FBXL2: variants seen among roughly 807,000 people sequenced by gnomAD.
The protein encoded by FBXL2 is F-box/LRR-repeat protein 2.
Under a neutral mutation model 69.2 loss-of-function variants are expected in FBXL2, and 38 were observed. The observed-to-expected ratio is 0.55, with a 90% CI of 0.42 to 0.72. The LOEUF (loss-of-function observed/expected upper bound fraction) is 0.72. FBXL2 is among the 30% of genes least tolerant of loss of function. FBXL2 has a pLI of 0.00. For synonymous variants in FBXL2, 192 were observed against 201.3 expected (o/e 0.95, Z 0.39); for missense variants, 354 against 520.3 (o/e 0.68, Z 3.11).
chr3:33,335,678 A>G (rs1378717843), intron 2 of FBXL2, among the ~76,000 whole-genome samples: 1 of 152,238 alleles, frequency 6.6e-6, no homozygotes, highest in Non-Finnish European at 1.5e-5. Flanking sequence ...ATATGCATAA[A>G]TATTTAATTA....
intron 13 of FBXL2, among the ~76,000 whole-genome samples, chr3:33,381,945 C>T (rs2043093584): frequency 6.6e-6 from 1 of 152,224 alleles, no homozygotes; most frequent in South Asian, 2.1e-4. Context: ...CAAGGTCCAA[C>T]AGAATTCCTC....
At chr3:33,377,242 G>T (rs76423340) in intron 10 of FBXL2, 31 bp from the exon 11 acceptor site, 31,670 of 1,604,956 alleles carry the variant, frequency 0.02, 415 homozygotes, top group South Asian at 0.025. Context: ...AGTTGGTACC[G>T]TTTTCTCCCC....
At chr3:33,316,781 G>C (rs540560757) in intron 2 of FBXL2, among the ~76,000 whole-genome samples, 1 of 152,112 alleles carries the variant, frequency 6.6e-6, no homozygotes, top group African/African-American at 2.4e-5. Flanking sequence ...ACTTATTGAA[G>C]TATAATTTAC....
intron 1 of FBXL2, among the ~76,000 whole-genome samples, chr3:33,283,101 A>C (rs2125673494): frequency 6.6e-6 from 1 of 152,306 alleles, no homozygotes; most frequent in East Asian, 1.9e-4. Context: ...AGGAGTGGTG[A>C]GAGAGGGCAT....
At chr3:33,288,853 A>T (rs963331148) in intron 1 of FBXL2, among the ~76,000 whole-genome samples, 3 of 152,172 alleles carry the variant, frequency 2.0e-5, no homozygotes, top group African/African-American at 7.2e-5. Context: ...TATATTTTAT[A>T]AGAGAACCAT....
At chr3:33,325,274 A>G (rs2038598609) in intron 2 of FBXL2, among the ~76,000 whole-genome samples, 1 of 152,146 alleles carries the variant, frequency 6.6e-6, no homozygotes, top group Admixed American at 6.5e-5. Context: ...CTATTTGAAT[A>G]CCCTTTATTT....
At chr3:33,411,623 T>C in the FBXL2 span, 1 of 1,614,162 alleles carries the variant, frequency 6.2e-7, no homozygotes. Flanking sequence ...CCCACAGAAA[T>C]TCAACCGCAT....
At chr3:33,381,415 C>G (rs912427533) in intron 13 of FBXL2, among the ~76,000 whole-genome samples, 4 of 152,104 alleles carry the variant, frequency 2.6e-5, no homozygotes, top group Non-Finnish European at 5.9e-5. Flanking sequence ...GAGGCCAAGG[C>G]GGGTGGATCA....
At chr3:33,342,182 T>G (rs1316548363) in intron 2 of FBXL2, among the ~76,000 whole-genome samples, 1 of 151,204 alleles carries the variant, frequency 6.6e-6, no homozygotes, top group African/African-American at 2.4e-5. Context: ...TTTTTTGTAT[T>G]TTTTAGTAGA....
intron 1 of FBXL2, among the ~76,000 whole-genome samples, chr3:33,294,878 C>T (rs7628482): frequency 0.095 from 14,353 of 150,842 alleles, 1,006 homozygotes; most frequent in Non-Finnish European, 0.15. Context: ...AGTAACTTTG[C>T]ACCTCAAGGA....
At chr3:33,397,162 C>T (rs1247977201) in intron 12 of FBXL2, 10 of 1,526,664 alleles carry the variant, frequency 6.6e-6, no homozygotes, top group Non-Finnish European at 8.8e-6. Context: ...ATATTTTTCT[C>T]AAATAAATGG....
In FBXL2 at chr3:33,364,686, G is replaced by A; in HGVS notation, c.257G>A (p.Arg86Gln). 2.5e-6 allele frequency: 4 copies of A among 1,614,178 alleles called. No homozygotes were observed. Among genetic ancestry groups the A allele is most frequent in the South Asian group, 1.1e-5 (1 of 91,084 alleles). The change falls in exon 5 of 15, where the codon CGA becomes CAA. Residue 86 changes from arginine to glutamine, a missense_variant. Transcript: ENST00000484457. ...CGGFLRKLSL[R>Q]GCIGVGDSSL... ...GGATTCCTGAGGAAGCTCAGCTTGC[G>A]AGGCTGCATTGGTGTTGGGGATTCC...
At chr3:33,398,360 A>T (rs903268860) in intron 12 of FBXL2, 1 of 152,246 alleles carries the variant, frequency 6.6e-6, no homozygotes, top group African/African-American at 2.4e-5. Context: ...TAATAGAGTC[A>T]TTTTATAGAG....
intron 2 of FBXL2, among the ~76,000 whole-genome samples, chr3:33,347,058 G>A (rs1007927163): frequency 3.9e-5 from 6 of 151,978 alleles, no homozygotes; most frequent in South Asian, 2.1e-4. Flanking sequence ...GGTCTTATTC[G>A]TTCTTTCTAA....
chr3:33,313,548 C>A (rs2037403595), intron 2 of FBXL2, among the ~76,000 whole-genome samples: 1 of 152,082 alleles, frequency 6.6e-6, no homozygotes, highest in Non-Finnish European at 1.5e-5. Context: ...TGGGCTCAAG[C>A]AATCCTCCTG....
At chr3:33,337,073 C>T (rs1290898572) in intron 2 of FBXL2, among the ~76,000 whole-genome samples, 3 of 151,648 alleles carry the variant, frequency 2.0e-5, no homozygotes, top group South Asian at 2.1e-4. Context: ...GACGTGGCGG[C>T]GTGTGCCTGT....
intron 12 of FBXL2, chr3:33,402,815 G>A (rs1442035874): frequency 2.6e-5 from 42 of 1,591,644 alleles, no homozygotes; most frequent in Non-Finnish European, 3.3e-5. Flanking sequence ...CTGGGACACT[G>A]CAAGTGCTCT....
At chr3:33,375,813 A>G (rs1009532857) in intron 10 of FBXL2, among the ~76,000 whole-genome samples, 2 of 152,106 alleles carry the variant, frequency 1.3e-5, no homozygotes, top group African/African-American at 2.4e-5. Context: ...GAATATCACA[A>G]TCACCTTCTT....
chr3:33,357,891 A>T (rs2041325406), intron 2 of FBXL2, among the ~76,000 whole-genome samples: 1 of 152,116 alleles, frequency 6.6e-6, no homozygotes, highest in Admixed American at 6.5e-5. Flanking sequence ...TTTGCTTTTC[A>T]CTAGAAAATG....
Sources: gnomAD v4.1 joint callset for allele counts (sites outside exome capture counted in the v4.1 genomes callset) on GRCh38, gnomAD v4.1.1 for gene constraint, MANE v1.5 for transcripts, NCBI Gene and HGNC (gene_info 2026-07-23, HGNC 2026-07-21) for gene names.